DOCK2: variants seen among roughly 807,000 people sequenced by gnomAD.
DOCK2 encodes the protein dedicator of cytokinesis protein 2.
A neutral mutation model predicts 248.9 loss-of-function variants in DOCK2; 87 were observed. The observed-to-expected ratio is 0.35, with a 90% CI of 0.29 to 0.42. The LOEUF (loss-of-function observed/expected upper bound fraction) is 0.42. DOCK2 is among the 10% of genes least tolerant of loss of function. DOCK2 has a pLI of 1.00. For missense variants in DOCK2, 1,747 were observed against 2,300.2 expected, an observed-to-expected ratio of 0.76 and a Z score of 4.92; for synonymous variants, 805 against 821.6, an observed-to-expected ratio of 0.98 and a Z score of 0.35.
Position 170,018,346 on chromosome 5 carries a change from T to A in DOCK2, c.3233-614T>A, listed in dbSNP as rs184501255. 8.4e-3 allele frequency among the ~76,000 whole-genome samples: 1,276 copies of A among 152,142 alleles called. 4 individuals carry two copies. The highest frequency in any genetic ancestry group is 0.013 in the Non-Finnish European group (878 of 68,006). ...TGCTGTGGGGGAAGCAAGGTGAAAT[T>A]GTGACATTTGAGCAACCCCAGCTAG... On this transcript the variant is annotated intron_variant, in intron 32 of 51. Transcript: ENST00000520908.
At chr5:169,961,978 CAA>C (rs70979150) in intron 27 of DOCK2, among the ~76,000 whole-genome samples, 28 of 74,630 alleles carry the variant, frequency 3.8e-4, no homozygotes, top group Non-Finnish European at 3.6e-4. Context: ...GACTCTGTCC[CAA>C]AAAAAAAAAA....
intron 27 of DOCK2, among the ~76,000 whole-genome samples, chr5:169,909,669 A>G (rs1402930391): frequency 2.6e-5 from 4 of 152,144 alleles, no homozygotes; most frequent in African/African-American, 9.7e-5. Context: ...TGCCCTCTAA[A>G]CCTATAATAC....
chr5:169,664,242 G>T (rs888319205), intron 2 of DOCK2, among the ~76,000 whole-genome samples: 1 of 152,222 alleles, frequency 6.6e-6, no homozygotes, highest in African/African-American at 2.4e-5. Flanking sequence ...CAGTTCCTAA[G>T]AAGTTCCTCA....
intron 22 of DOCK2, among the ~76,000 whole-genome samples, chr5:169,727,646 T>C (rs950986034): frequency 1.3e-5 from 2 of 152,210 alleles, no homozygotes; most frequent in Non-Finnish European, 2.9e-5. Flanking sequence ...CACACTAAGC[T>C]ATTGGGATCA....
chr5:170,075,753 C>T (rs1018294595), intron 46 of DOCK2, 194 bp from the exon 47 acceptor site: 1 of 695,424 alleles, frequency 1.4e-6, no homozygotes, highest in Non-Finnish European at 2.4e-6. Context: ...TCTCTCCTTT[C>T]CAGAGCAAAC....
chr5:169,866,031 G>A (rs748893951), intron 27 of DOCK2, among the ~76,000 whole-genome samples: 9 of 151,426 alleles, frequency 5.9e-5, no homozygotes, highest in Non-Finnish European at 8.8e-5. Flanking sequence ...AAGAGTCAGA[G>A]GGGCGAGGGG....
rs768882464 is a variant in DOCK2 at position 169,883,599 on chromosome 5, G to T, written c.2799+42747G>T. On this transcript the variant is annotated intron_variant, in intron 27 of 51. Coordinates refer to ENST00000520908, the MANE Select transcript of DOCK2 (RefSeq NM_004946.3). ...CTGGGAAATGCTTCCTGAGACTGGG[G>T]GAAGTTTGGATTGCAATGTTGCGAA... 24 of 1,551,670 alleles carry T rather than the reference G, an allele frequency of 1.5e-5. No individual in the cohort carries two copies. The East Asian group carries it at 5.6e-4, about 36-fold the overall frequency.
intron 27 of DOCK2, among the ~76,000 whole-genome samples, chr5:169,933,267 C>G (rs995508966): frequency 6.6e-5 from 10 of 152,218 alleles, no homozygotes; most frequent in African/African-American, 2.4e-4. Flanking sequence ...ATCAGGTTAG[C>G]CTGTAGGACA....
intron 7 of DOCK2, 93 bp from the exon 8 acceptor site, chr5:169,684,103 T>C: frequency 1.3e-6 from 2 of 1,505,428 alleles, no homozygotes; most frequent in Non-Finnish European, 1.8e-6. Context: ...AACTTTAGGC[T>C]TGAACCCAAT....
chr5:169,850,564 A>G (rs565369853), intron 27 of DOCK2, among the ~76,000 whole-genome samples: 1 of 152,314 alleles, frequency 6.6e-6, no homozygotes, highest in African/African-American at 2.4e-5. Context: ...AAATTAGACA[A>G]GAGACTTGAA....
At chr5:170,006,711 G>A (rs546564683) in intron 30 of DOCK2, among the ~76,000 whole-genome samples, 10 of 152,322 alleles carry the variant, frequency 6.6e-5, no homozygotes, top group African/African-American at 2.2e-4. Context: ...TGTAAACTGC[G>A]TGAGGCCAGG....
intron 14 of DOCK2, among the ~76,000 whole-genome samples, chr5:169,705,742 G>A (rs1232791675): frequency 6.6e-6 from 1 of 152,220 alleles, no homozygotes; most frequent in Non-Finnish European, 1.5e-5. Context: ...TTCCTAAAGT[G>A]TGTTCACATC....
intron 27 of DOCK2, among the ~76,000 whole-genome samples, chr5:169,903,701 G>C (rs1401691259): frequency 6.6e-6 from 1 of 152,122 alleles, no homozygotes; most frequent in Non-Finnish European, 1.5e-5. Context: ...ACTCGGGGCA[G>C]GGGGAGAAAA....
intron 2 of DOCK2, among the ~76,000 whole-genome samples, chr5:169,665,660 C>G (rs1456695447): frequency 6.6e-6 from 1 of 152,104 alleles, no homozygotes; most frequent in Non-Finnish European, 1.5e-5. Context: ...CAGATGCATA[C>G]ACTTTTTAAC....
intron 33 of DOCK2, among the ~76,000 whole-genome samples, chr5:170,023,341 A>G (rs544054683): frequency 6.6e-6 from 1 of 152,320 alleles, no homozygotes; most frequent in African/African-American, 2.4e-5. Context: ...GATTCCACTG[A>G]GACTGCATCT....
In DOCK2 at chr5:169,708,211, T is replaced by C. The variant is rs769211157; in HGVS notation, c.1426T>C (p.Tyr476His). 95 of 1,613,868 alleles carry C rather than the reference T, an allele frequency of 5.9e-5. No homozygotes were observed. Among genetic ancestry groups the C allele is most frequent in the Non-Finnish European group, 7.9e-5 (93 of 1,179,958 alleles). The change falls in exon 15 of 52, where the codon TAT (tyrosine) becomes CAT (histidine). Residue 476 changes from tyrosine to histidine, a missense_variant. Transcript: ENST00000520908. The part of the protein sequence containing the change: ...VGAGDKPMNE[Y>H]RSVVYYQVKQ... ...AGCAGGGGACAAGCCCATGAATGAG[T>C]ATCGCTCCGTTGTGTACTATCAAGT...
At chr5:169,993,077 T>C (rs1778250998) in intron 29 of DOCK2, among the ~76,000 whole-genome samples, 1 of 152,210 alleles carries the variant, frequency 6.6e-6, no homozygotes, top group South Asian at 2.1e-4. Flanking sequence ...GCCCCCTCTT[T>C]GATATTGTAT....
intron 27 of DOCK2, among the ~76,000 whole-genome samples, chr5:169,842,737 G>A (rs533942081): frequency 3.3e-5 from 5 of 151,954 alleles, no homozygotes; most frequent in African/African-American, 9.7e-5. Context: ...TTTTAAATGG[G>A]GCCTGTGTCA....
intron 25 of DOCK2, among the ~76,000 whole-genome samples, chr5:169,762,646 A>G (rs530175047): frequency 6.6e-6 from 1 of 152,356 alleles, no homozygotes; most frequent in East Asian, 1.9e-4. Flanking sequence ...TGACCTGTTC[A>G]GAAACTGCAT....
Sources: gnomAD v4.1 joint callset for allele counts (sites outside exome capture counted in the v4.1 genomes callset) on GRCh38, gnomAD v4.1.1 for gene constraint, MANE v1.5 for transcripts, NCBI Gene and HGNC (gene_info 2026-07-23, HGNC 2026-07-21) for gene names.